Variants in B3GALT1 observed in about 807,000 individuals in gnomAD.
B3GALT1 encodes beta-1,3-galactosyltransferase 1.
Under a neutral mutation model 23.2 loss-of-function variants are expected in B3GALT1, and 10 were observed. That is an observed-to-expected ratio of 0.43 (90% CI 0.27 to 0.73). The LOEUF (loss-of-function observed/expected upper bound fraction) is 0.73. B3GALT1 is among the 30% of genes least tolerant of loss of function. The pLI, the probability that B3GALT1 is intolerant of heterozygous loss-of-function variation, is 0.21. For synonymous variants in B3GALT1, 156 were observed against 141.5 expected, an observed-to-expected ratio of 1.10 and a Z score of -0.73; for missense variants, 299 against 405.4, an observed-to-expected ratio of 0.74 and a Z score of 2.25.
intron 4 of B3GALT1, chr2:167,862,592 G>A (rs759248926): frequency 1.3e-5 from 2 of 152,186 alleles, no homozygotes; most frequent in Non-Finnish European, 2.9e-5. Context: ...CCTTAGCCCA[G>A]TGAAGTTAAC....
intron 4 of B3GALT1, among the ~76,000 whole-genome samples, chr2:167,820,476 T>C (rs561118980): frequency 6.6e-6 from 1 of 152,300 alleles, no homozygotes; most frequent in African/African-American, 2.4e-5. Flanking sequence ...GAGCATTTAA[T>C]TGCTGTTGCA....
intron 3 of B3GALT1, among the ~76,000 whole-genome samples, chr2:167,698,042 A>C (rs758489295): frequency 6.6e-6 from 1 of 152,224 alleles, no homozygotes; most frequent in African/African-American, 2.4e-5. Context: ...ATTGCACTTC[A>C]TAACTGTGAA....
intron 3 of B3GALT1, among the ~76,000 whole-genome samples, chr2:167,807,901 G>C (rs1195022602): frequency 6.6e-6 from 1 of 151,782 alleles, no homozygotes; most frequent in African/African-American, 2.4e-5. Flanking sequence ...TGACAGTGGG[G>C]TGTTAAAGTC....
At chr2:167,728,673 A>G (rs1048279877) in intron 3 of B3GALT1, among the ~76,000 whole-genome samples, 1 of 152,222 alleles carries the variant, frequency 6.6e-6, no homozygotes, top group Non-Finnish European at 1.5e-5. Context: ...AGCAAACCTT[A>G]TGTATTGTAG....
At chr2:167,615,665 T>C (rs952594656) in intron 2 of B3GALT1, among the ~76,000 whole-genome samples, 6 of 151,790 alleles carry the variant, frequency 4.0e-5, no homozygotes, top group Admixed American at 1.3e-4. Flanking sequence ...TAAAAAAAAA[T>C]TGAAAAGCAA....
intron 1 of B3GALT1, among the ~76,000 whole-genome samples, chr2:167,397,362 A>C (rs540281303): frequency 6.6e-6 from 1 of 151,416 alleles, no homozygotes; most frequent in African/African-American, 2.4e-5. Context: ...TGCTGAGCCC[A>C]TTTTTCCTGA....
intron 3 of B3GALT1, among the ~76,000 whole-genome samples, chr2:167,662,941 T>A (rs892983902): frequency 1.3e-5 from 2 of 152,040 alleles, no homozygotes; most frequent in African/African-American, 4.8e-5. Flanking sequence ...CTTTCTTTTT[T>A]TTTATTGTAT....
In B3GALT1 at chr2:167,350,987, G is replaced by A. The variant is rs142424358; in HGVS notation, c.-511+57653G>A. 1.0e-3 allele frequency among the ~76,000 whole-genome samples: 153 copies of A among 152,208 alleles called. 3 individuals carry two copies. Among genetic ancestry groups the A allele is most frequent in the African/African-American group, 3.3e-3 (138 of 41,518 alleles). Reference sequence around the variant, plus strand: ...CACCTGGTGAAACAATATCATTTTCGGCTGGGCGTGGTGGCTCACGCCTGT... The same window carrying A: ...CACCTGGTGAAACAATATCATTTTCAGCTGGGCGTGGTGGCTCACGCCTGT... On this transcript the variant is annotated intron_variant, in intron 1 of 4. Transcript: ENST00000392690.
intron 3 of B3GALT1, among the ~76,000 whole-genome samples, chr2:167,804,390 A>G (rs1185780676): frequency 6.6e-6 from 1 of 151,464 alleles, no homozygotes; most frequent in Non-Finnish European, 1.5e-5. Context: ...GGTTAGTTAC[A>G]TATGTATACA....
chr2:167,708,166 C>T (rs1332909353), intron 3 of B3GALT1, among the ~76,000 whole-genome samples: 2 of 152,136 alleles, frequency 1.3e-5, no homozygotes, highest in African/African-American at 4.8e-5. Flanking sequence ...TCCTTGATTG[C>T]CACAAAATAG....
At chr2:167,524,437 A>G (rs1162761335) in intron 2 of B3GALT1, among the ~76,000 whole-genome samples, 1 of 152,184 alleles carries the variant, frequency 6.6e-6, no homozygotes, top group Non-Finnish European at 1.5e-5. Flanking sequence ...CCCAATGGCT[A>G]TAAACTGCTA....
chr2:167,844,931 T>C (rs1689724950), intron 4 of B3GALT1, among the ~76,000 whole-genome samples: 1 of 152,112 alleles, frequency 6.6e-6, no homozygotes, highest in Non-Finnish European at 1.5e-5. Context: ...ACTGGCCCTT[T>C]GGTTTGCATG....
chr2:167,433,114 G>A (rs1426864325), intron 1 of B3GALT1, among the ~76,000 whole-genome samples: 1 of 152,108 alleles, frequency 6.6e-6, no homozygotes, highest in Non-Finnish European at 1.5e-5. Context: ...CCCAACTCCT[G>A]GAAACCACTA....
intron 1 of B3GALT1, among the ~76,000 whole-genome samples, chr2:167,295,266 C>A (rs773811787): frequency 6.6e-6 from 1 of 152,002 alleles, no homozygotes; most frequent in Non-Finnish European, 1.5e-5. Flanking sequence ...TAGCATTCAT[C>A]ATGTCTGGCT....
At chr2:167,429,819 CCTGA>C (rs1169760895) in intron 1 of B3GALT1, among the ~76,000 whole-genome samples, 1 of 152,196 alleles carries the variant, frequency 6.6e-6, no homozygotes, top group Non-Finnish European at 1.5e-5. Context: ...AAGAACAATG[CCTGA>C]CTAATACCAA....
At chr2:167,672,217 T>TA (rs1686343567) in intron 3 of B3GALT1, among the ~76,000 whole-genome samples, 1 of 152,142 alleles carries the variant, frequency 6.6e-6, no homozygotes, top group East Asian at 1.9e-4. Flanking sequence ...ACACCCTCCT[T>TA]ACGATCCCCA....
At chr2:167,852,467 G>GGTGT (rs66820655) in intron 4 of B3GALT1, among the ~76,000 whole-genome samples, 10,580 of 146,498 alleles carry the variant, frequency 0.072, 416 homozygotes, top group South Asian at 0.088. Context: ...TATTCGTGAT[G>GGTGT]GTGTGTGTGT....
chr2:167,360,841 A>G (rs919484337), intron 1 of B3GALT1, among the ~76,000 whole-genome samples: 11 of 152,116 alleles, frequency 7.2e-5, no homozygotes, highest in African/African-American at 2.7e-4. Flanking sequence ...TGTACTCCTT[A>G]ACCAGCTCTC....
At chr2:167,589,493 GGTAAAGATT>G (rs1438278790) in intron 2 of B3GALT1, among the ~76,000 whole-genome samples, 2 of 151,988 alleles carry the variant, frequency 1.3e-5, no homozygotes, top group African/African-American at 2.4e-5. Context: ...CAAGGTGTAA[GGTAAAGATT>G]GAAAAATTTT....
Sources: allele counts gnomAD v4.1 joint callset (sites outside exome capture counted in the v4.1 genomes callset), GRCh38; gene constraint gnomAD v4.1.1; transcripts MANE v1.5; gene names NCBI Gene and HGNC (gene_info 2026-07-23, HGNC 2026-07-21).